TAFA1: variants seen among roughly 807,000 people sequenced by gnomAD.
TAFA1 encodes chemokine-like protein TAFA-1.
Under a neutral mutation model 18.5 loss-of-function variants are expected in TAFA1, and 4 were observed. The observed-to-expected ratio is 0.22, with a 90% CI of 0.11 to 0.49. The LOEUF (loss-of-function observed/expected upper bound fraction) is 0.49, where lower values mean the gene tolerates loss of function less well. TAFA1 is among the 20% of genes least tolerant of loss of function. The probability of loss-of-function intolerance (pLI) is 0.98; values close to 1 mark genes in which losing one functional copy is unlikely to be tolerated. For missense variants in TAFA1, 147 were observed against 169.0 expected (o/e 0.87, Z 0.72); for synonymous variants, 56 against 55.2 (o/e 1.01, Z -0.06).
chr3:68,508,205 T>A (rs1481514772), intron 3 of TAFA1, among the ~76,000 whole-genome samples: 1 of 151,690 alleles, frequency 6.6e-6, no homozygotes, highest in Non-Finnish European at 1.5e-5. Flanking sequence ...AGGACACTTA[T>A]CCTGTCAGAT....
chr3:68,456,858 C>T (rs1183170253), intron 3 of TAFA1, among the ~76,000 whole-genome samples: 2 of 152,152 alleles, frequency 1.3e-5, no homozygotes, highest in Non-Finnish European at 1.5e-5. Context: ...CAGCTGCAGA[C>T]CTCAATCAAG....
intron 2 of TAFA1, among the ~76,000 whole-genome samples, chr3:68,195,605 T>C (rs567448295): frequency 6.6e-6 from 1 of 151,408 alleles, no homozygotes; most frequent in Non-Finnish European, 1.5e-5. Flanking sequence ...AGGAATGCTG[T>C]TCAGTGTACT....
intron 2 of TAFA1, among the ~76,000 whole-genome samples, chr3:68,137,011 A>T (rs2065616011): frequency 1.3e-5 from 2 of 152,176 alleles, no homozygotes; most frequent in South Asian, 4.1e-4. Flanking sequence ...TCAAGAATAT[A>T]AGTTTTTAAA....
chr3:68,372,406 G>A (rs74656735), intron 2 of TAFA1, among the ~76,000 whole-genome samples: 2,613 of 152,266 alleles, frequency 0.017, 79 homozygotes, highest in African/African-American at 0.06. Flanking sequence ...GACTTAAATG[G>A]AGAATAATCA....
chr3:68,494,938 G>A (rs1164069152), intron 3 of TAFA1, among the ~76,000 whole-genome samples: 2 of 152,176 alleles, frequency 1.3e-5, no homozygotes, highest in African/African-American at 4.8e-5. Context: ...CAGGCTGAAA[G>A]TCTAGATTCT....
At chr3:68,437,681 G>A (rs1208774402) in intron 3 of TAFA1, among the ~76,000 whole-genome samples, 2 of 151,912 alleles carry the variant, frequency 1.3e-5, no homozygotes, top group African/African-American at 2.4e-5. Context: ...CATTGATAAG[G>A]GCAGAGTCCT....
chr3:68,471,297 C>G (rs993166334), intron 3 of TAFA1, among the ~76,000 whole-genome samples: 20 of 152,202 alleles, frequency 1.3e-4, no homozygotes, highest in Admixed American at 1.2e-3. Flanking sequence ...TACGAGCCCC[C>G]ACACAGAGTC....
At chr3:68,102,260 C>A (rs1416121956) in intron 2 of TAFA1, among the ~76,000 whole-genome samples, 2 of 152,108 alleles carry the variant, frequency 1.3e-5, no homozygotes, top group Non-Finnish European at 2.9e-5. Context: ...TCTGTTAACT[C>A]TCCTACTATG....
chr3:68,116,926 A>G (rs2065331151), intron 2 of TAFA1, among the ~76,000 whole-genome samples: 1 of 152,206 alleles, frequency 6.6e-6, no homozygotes, highest in South Asian at 2.1e-4. Context: ...AGTTGGTGAC[A>G]GAGACCATCT....
chr3:68,094,113 T>TG (rs1187217373), intron 2 of TAFA1, among the ~76,000 whole-genome samples: 1 of 151,766 alleles, frequency 6.6e-6, no homozygotes, highest in Non-Finnish European at 1.5e-5. Flanking sequence ...CCCATTAGAG[T>TG]GGGGGGTGGA....
At chr3:68,039,055 G>T (rs146911361) in intron 2 of TAFA1, among the ~76,000 whole-genome samples, 25 of 152,224 alleles carry the variant, frequency 1.6e-4, no homozygotes, top group East Asian at 9.7e-4. Flanking sequence ...CAGGGGCTGT[G>T]TCTCTCTTGT....
chr3:68,389,092 T>C (rs1411270892), intron 2 of TAFA1, among the ~76,000 whole-genome samples: 1 of 152,040 alleles, frequency 6.6e-6, no homozygotes, highest in Non-Finnish European at 1.5e-5. Context: ...ATAAGGAGAG[T>C]TCTGTATTTT....
At chr3:68,083,745 C>A (rs2064934393) in intron 2 of TAFA1, among the ~76,000 whole-genome samples, 4 of 152,118 alleles carry the variant, frequency 2.6e-5, no homozygotes, top group Admixed American at 2.6e-4. Flanking sequence ...CTTCTGGCAT[C>A]TTTTCTTGTT....
intron 2 of TAFA1, among the ~76,000 whole-genome samples, chr3:68,066,209 G>T (rs184534041): frequency 6.6e-6 from 1 of 152,030 alleles, no homozygotes; most frequent in African/African-American, 2.4e-5. Flanking sequence ...CAATAAAGCC[G>T]TATGTGTCAT....
rs554347753 is a variant in TAFA1 at position 68,414,018 on chromosome 3, A to G, written c.119-3262A>G. 5.7e-4 allele frequency among the ~76,000 whole-genome samples: 86 copies of G among 152,198 alleles called. 3 individuals are homozygous for G. In the South Asian group the frequency reaches 0.012, roughly 22 times the overall value. Reference sequence around the variant, plus strand: ...AGTCAAGGAGAGAGAGAGTCATAACAAATCGGCTGGGCACGGTGGCTCACA... The same window carrying G: ...AGTCAAGGAGAGAGAGAGTCATAACGAATCGGCTGGGCACGGTGGCTCACA... On this transcript the variant is annotated intron_variant, in intron 2 of 4. Coordinates refer to ENST00000478136, the MANE Select transcript of TAFA1 (RefSeq NM_213609.4).
chr3:68,454,493 C>T (rs1420693876), intron 3 of TAFA1, among the ~76,000 whole-genome samples: 1 of 152,092 alleles, frequency 6.6e-6, no homozygotes, highest in Non-Finnish European at 1.5e-5. Context: ...TTGATATAGC[C>T]CAGAGCTCTG....
chr3:68,220,425 C>T (rs1304178833), intron 2 of TAFA1, among the ~76,000 whole-genome samples: 1 of 151,966 alleles, frequency 6.6e-6, no homozygotes, highest in East Asian at 1.9e-4. Flanking sequence ...CATATTACAA[C>T]TTTAGTGTGC....
At chr3:68,005,943 A>G (rs1453087977) in intron 1 of TAFA1, among the ~76,000 whole-genome samples, 1 of 152,172 alleles carries the variant, frequency 6.6e-6, no homozygotes, top group East Asian at 1.9e-4. Flanking sequence ...ATATTCATCA[A>G]TGCTATACAA....
At chr3:68,360,528 A>G (rs939407374) in intron 2 of TAFA1, among the ~76,000 whole-genome samples, 1 of 151,928 alleles carries the variant, frequency 6.6e-6, no homozygotes, top group African/African-American at 2.4e-5. Context: ...AGTAGCGGCT[A>G]CTCGGTGGTT....
Sources: gnomAD v4.1 joint callset for allele counts (sites outside exome capture counted in the v4.1 genomes callset) on GRCh38, gnomAD v4.1.1 for gene constraint, MANE v1.5 for transcripts, NCBI Gene and HGNC (gene_info 2026-07-23, HGNC 2026-07-21) for gene names.